ARHGAP22: variants seen among roughly 807,000 people sequenced by gnomAD.
ARHGAP22 encodes the protein rho GTPase-activating protein 22.
In ARHGAP22, 48 loss-of-function variants were observed where a neutral mutation model predicts 59.1. The observed-to-expected ratio is 0.81, with a 90% CI of 0.64 to 1.03. ARHGAP22 has a LOEUF of 1.03. ARHGAP22 is among the 50% of genes least tolerant of loss of function. The pLI is 0.00. For synonymous variants in ARHGAP22, 445 were observed against 416.4 expected, an observed-to-expected ratio of 1.07 and a Z score of -0.84; for missense variants, 1,015 against 958.7, an observed-to-expected ratio of 1.06 and a Z score of -0.78.
chr10:48,581,624 T>C (rs2059127466), intron 2 of ARHGAP22, among the ~76,000 whole-genome samples: 1 of 152,268 alleles, frequency 6.6e-6, no homozygotes, highest in South Asian at 2.1e-4. Context: ...CCTGAAGCAG[T>C]CTTACTTCTA....
chr10:48,575,282 A>G (rs1032622036), intron 2 of ARHGAP22: 1 of 152,244 alleles, frequency 6.6e-6, no homozygotes, highest in Non-Finnish European at 1.5e-5. Flanking sequence ...ATCCAGTCTC[A>G]GGTATTTCTT....
chr10:48,581,623 G>A (rs944464320), intron 2 of ARHGAP22, among the ~76,000 whole-genome samples: 1 of 152,192 alleles, frequency 6.6e-6, no homozygotes, highest in Non-Finnish European at 1.5e-5. Context: ...TCCTGAAGCA[G>A]TCTTACTTCT....
rs921761406 is a variant in ARHGAP22, at chr10:48,477,615, G to A, written c.451+2021C>T. On this transcript the variant is annotated intron_variant, in intron 4 of 9. Transcript: ENST00000249601. ...CTAGCAATATGTGCAAGTTTCTATA[G>A]CTTTCTATCCTCATCACGACTTGAA... 2.0e-5 allele frequency among the ~76,000 whole-genome samples: 3 copies of A among 152,350 alleles called. No homozygotes were observed. In the East Asian group the frequency reaches 5.8e-4, roughly 29 times the overall value.
chr10:48,648,805 A>C (rs2062425588), intron 1 of ARHGAP22, among the ~76,000 whole-genome samples: 2 of 152,118 alleles, frequency 1.3e-5, no homozygotes, highest in African/African-American at 4.8e-5. Context: ...TTGGCAGCAG[A>C]TCCTACGATG....
At chr10:48,464,783 A>C (rs541842600) in intron 4 of ARHGAP22, among the ~76,000 whole-genome samples, 1 of 152,126 alleles carries the variant, frequency 6.6e-6, no homozygotes, top group East Asian at 1.9e-4. Context: ...AAATCTATAA[A>C]ATGGGAGGAT....
intron 1 of ARHGAP22, among the ~76,000 whole-genome samples, chr10:48,599,846 A>G (rs1589098174): frequency 6.6e-6 from 1 of 152,168 alleles, no homozygotes; most frequent in East Asian, 1.9e-4. Flanking sequence ...TAGTGATGGC[A>G]TTGTGCGTAC....
At chr10:48,463,852 T>C (rs2047392274) in intron 4 of ARHGAP22, among the ~76,000 whole-genome samples, 1 of 151,990 alleles carries the variant, frequency 6.6e-6, no homozygotes, top group South Asian at 2.1e-4. Context: ...GGGACCGAGC[T>C]CTCCAGGGCC....
At chr10:48,532,741 G>GA in intron 3 of ARHGAP22, 1 of 151,568 alleles carries the variant, frequency 6.6e-6, no homozygotes, top group East Asian at 1.9e-4. Flanking sequence ...GCAGTGTTTG[G>GA]TTTTTTTGTC....
intron 3 of ARHGAP22, chr10:48,524,178 G>A (rs1357314680): frequency 3.6e-6 from 4 of 1,102,150 alleles, no homozygotes; most frequent in Non-Finnish European, 4.4e-6. Context: ...GCGCGGCCGA[G>A]GTCCGGCCCA....
intron 4 of ARHGAP22, among the ~76,000 whole-genome samples, chr10:48,478,365 G>T (rs2048941677): frequency 6.6e-6 from 1 of 152,222 alleles, no homozygotes; most frequent in African/African-American, 2.4e-5. Flanking sequence ...TTCCTTGTGA[G>T]GGATTTATCA....
rs2059207969 is a variant in ARHGAP22 at position 48,582,956 on chromosome 10, G to A, written c.231C>T (p.Pro77=). 1.2e-6 allele frequency: 2 copies of A among 1,614,198 alleles called. No homozygotes were observed. The highest frequency in any genetic ancestry group is 4.5e-5 in the East Asian group (2 of 44,882). ...FYYKDKDEIK[P]QGFISLQGTQ... The stretch of plus-strand genomic sequence containing the variant: ...ACACCGGACATGCACTTCTCACCTG[G>A]GGCTTGATCTCATCTTTGTCCTTGT... Residue 77 remains proline, a synonymous_variant, in exon 2 of 10, where the codon CCC becomes CCT. Transcript: ENST00000249601.
chr10:48,450,477 G>A lies in ARHGAP22; in HGVS notation c.1652C>T (p.Pro551Leu). The change falls in exon 9 of 10, where the codon CCC becomes CTC. Residue 551 changes from proline (P) to leucine (L), a missense_variant. Coordinates refer to ENST00000249601, the MANE Select transcript of ARHGAP22 (RefSeq NM_021226.4). ...SSLHTDWALE[P>L]SPLPSSSEDP... ...CTCGCTGCTGCTGGGGAGCGGGGAGGGCTCCAGGGCCCAGTCGGTGTGCAG... is the reference window on the plus strand; with the variant it reads ...CTCGCTGCTGCTGGGGAGCGGGGAGAGCTCCAGGGCCCAGTCGGTGTGCAG... 1 of 1,538,102 alleles carries A rather than the reference G, an allele frequency of 6.5e-7. No homozygotes were observed. Among genetic ancestry groups the A allele is most frequent in the Non-Finnish European group, 8.8e-7 (1 of 1,140,838 alleles).
At chr10:48,631,281 T>C (rs551785169) in intron 1 of ARHGAP22, among the ~76,000 whole-genome samples, 23 of 152,340 alleles carry the variant, frequency 1.5e-4, no homozygotes, top group Admixed American at 6.5e-4. Context: ...TTCTTGTCTT[T>C]ATCTGGTTTG....
intron 3 of ARHGAP22, among the ~76,000 whole-genome samples, chr10:48,540,850 G>A (rs535400988): frequency 1.7e-3 from 254 of 152,064 alleles, no homozygotes; most frequent in South Asian, 7.5e-3. Flanking sequence ...TAAAAGCAGC[G>A]CTTTGGAGCA....
At chr10:48,545,440 G>A (rs1171935643) in intron 3 of ARHGAP22, among the ~76,000 whole-genome samples, 1 of 152,190 alleles carries the variant, frequency 6.6e-6, no homozygotes, top group Non-Finnish European at 1.5e-5. Flanking sequence ...CCCATCTCAG[G>A]GGTGGGGATC....
intron 3 of ARHGAP22, among the ~76,000 whole-genome samples, chr10:48,530,096 G>T (rs2054679363): frequency 6.6e-6 from 1 of 152,066 alleles, no homozygotes; most frequent in African/African-American, 2.4e-5. Flanking sequence ...AATTAGCCAG[G>T]CATGGTGGTG....
intron 3 of ARHGAP22, among the ~76,000 whole-genome samples, chr10:48,526,819 CT>C (rs2054367369): frequency 6.6e-6 from 1 of 152,238 alleles, no homozygotes; most frequent in Non-Finnish European, 1.5e-5. Context: ...GGATACTCGA[CT>C]TTTCAAAGCG....
chr10:48,500,218 C>T (rs144218783), intron 3 of ARHGAP22, among the ~76,000 whole-genome samples: 35 of 151,804 alleles, frequency 2.3e-4, no homozygotes, highest in African/African-American at 8.4e-4. Flanking sequence ...GTGGCGCACA[C>T]CTGTAATCCC....
chr10:48,612,012 G>A (rs1589162354), intron 1 of ARHGAP22, among the ~76,000 whole-genome samples: 1 of 151,238 alleles, frequency 6.6e-6, no homozygotes, highest in South Asian at 2.1e-4. Flanking sequence ...TAGTAGAGAC[G>A]GGGTTTCACT....
Sources: gnomAD v4.1 joint callset for allele counts (sites outside exome capture counted in the v4.1 genomes callset) on GRCh38, gnomAD v4.1.1 for gene constraint, MANE v1.5 for transcripts, NCBI Gene and HGNC (gene_info 2026-07-23, HGNC 2026-07-21) for gene names.